The following SVEP1 variants were observed in gnomAD, a reference collection of about 807,000 sequenced individuals.
SVEP1 encodes the protein sushi, von Willebrand factor type A, EGF and pentraxin domain-containing protein 1.
SVEP1 carries 164 observed loss-of-function variants against 367.3 expected under a neutral mutation model. The observed-to-expected ratio is 0.45, with a 90% confidence interval of 0.39 to 0.51. The LOEUF is 0.51. Among genes scored for constraint, SVEP1 ranks in the 20% least tolerant of loss-of-function variants. The pLI is 0.00. For synonymous variants in SVEP1, 1,666 were observed against 1,611.6 expected, an observed-to-expected ratio of 1.03 and a Z score of -0.81; for missense variants, 4,117 against 4,425.3, an observed-to-expected ratio of 0.93 and a Z score of 1.98.
intron 9 of SVEP1, 69 bp from the exon 10 acceptor site, chr9:110,483,762 G>A: frequency 8.2e-7 from 1 of 1,215,438 alleles, no homozygotes. Flanking sequence ...GTTTTCAAAA[G>A]AGAACTGAAG....
At chr9:110,384,832 C>T (rs142968814) in intron 43 of SVEP1, among the ~76,000 whole-genome samples, 1 of 152,260 alleles carries the variant, frequency 6.6e-6, no homozygotes, top group Non-Finnish European at 1.5e-5. Context: ...AGATGAAGAC[C>T]ATTGTAGGCA....
At chr9:110,468,844 A>G in intron 17 of SVEP1, 96 bp downstream of exon 17, 1 of 1,248,466 alleles carries the variant, frequency 8.0e-7, no homozygotes, top group Non-Finnish European at 1.1e-6. Flanking sequence ...CTCAGACAAG[A>G]GCCGAGTGTT....
intron 40 of SVEP1, among the ~76,000 whole-genome samples, chr9:110,395,260 T>C (rs1827739090): frequency 6.6e-6 from 1 of 152,248 alleles, no homozygotes; most frequent in South Asian, 2.1e-4. Context: ...CTATGCTTCA[T>C]AAGTGAAGGA....
At position 110,411,444 on chromosome 9, in the gene SVEP1, A is replaced by G. The variant is rs1192468980; in HGVS notation, c.6267T>C (p.Val2089=). 1.2e-6 allele frequency: 2 copies of G among 1,614,024 alleles called. No individual in the cohort carries two copies. Among genetic ancestry groups the G allele is most frequent in the African/African-American group, 1.3e-5 (1 of 75,060 alleles). ...IAHFCEKPPS[V]SYSILESVSK... ...TCACAGATTCCAAGATGCTATAGGA[A>G]ACCGATGGAGGTTTTTCACAGAAAT... Residue 2089 remains valine (V), a synonymous_variant, in exon 37 of 48, where the codon GTT becomes GTC. Coordinates refer to ENST00000374469, the MANE Select transcript of SVEP1 (RefSeq NM_153366.4).
rs532029828 is a variant in SVEP1 at position 110,536,021 on chromosome 9, G to A, written c.964+10094C>T. On this transcript the variant is annotated intron_variant, in intron 3 of 47. Coordinates refer to ENST00000374469, the MANE Select transcript of SVEP1 (RefSeq NM_153366.4). The stretch of plus-strand genomic sequence containing the variant: ...ACTATGTTTAATAGGAGTGGTGAGA[G>A]AAAGCATCCTTGTCTTAAGCCAGTT... Among the ~76,000 whole-genome samples, 34 of 152,164 alleles carry A rather than the reference G, an allele frequency of 2.2e-4. No individual in the cohort carries two copies. The South Asian group carries it at 6.8e-3, about 31-fold the overall frequency.
chr9:110,429,161 G>A lies in SVEP1; in HGVS notation c.5789C>T (p.Ser1930Leu), dbSNP rs1213719259. 1 of 1,595,074 alleles carries A rather than the reference G, an allele frequency of 6.3e-7. No individual in the cohort carries two copies. Among genetic ancestry groups the A allele is most frequent in the Non-Finnish European group, 8.5e-7 (1 of 1,170,322 alleles). Reference sequence around the variant, plus strand: ...ATGTTACCTGTATCCTGTATCGCATGAATATGATGCAGTAGAAAGGTAGGT... The same window carrying A: ...ATGTTACCTGTATCCTGTATCGCATAAATATGATGCAGTAGAAAGGTAGGT... The part of the protein sequence containing the change: ...GLTYLSTASY[S>L]CDTGYSLQGP... Residue 1930 changes from serine to leucine, a missense_variant, in exon 35 of 48, where the codon TCA (serine) becomes TTA (leucine). Ser to Leu is a moderately radical substitution (Grantham distance 145). Transcript: ENST00000374469.
intron 1 of SVEP1, among the ~76,000 whole-genome samples, chr9:110,570,464 T>TTGCG (rs767474247): frequency 1.1e-5 from 1 of 88,758 alleles, no homozygotes; most frequent in African/African-American, 5.3e-5. Context: ...AAAGTTTCTG[T>TTGCG]TGCGTGTGTG....
At chr9:110,398,409 A>T (rs561910274) in intron 40 of SVEP1, among the ~76,000 whole-genome samples, 1 of 152,210 alleles carries the variant, frequency 6.6e-6, no homozygotes, top group Non-Finnish European at 1.5e-5. Flanking sequence ...AACTTAGGCA[A>T]TACCATTCAG....
chr9:110,579,094 G>T lies in SVEP1; in HGVS notation c.450C>A (p.Cys150Ter). Residue 150 changes from cysteine (C) to a stop codon, truncating the protein, a stop_gained, in exon 1 of 48, where the codon TGC (cysteine) becomes TGA (stop). Coordinates refer to ENST00000374469, the MANE Select transcript of SVEP1 (RefSeq NM_153366.4). LOFTEE classifies it high-confidence loss of function. The surrounding 1 kb of genome is among the most constrained non-coding windows in gnomAD (Gnocchi z 5.3). ...CAGGGATCTCTTGGAGGAGCAGCGC[G>T]CACTTGTGCTGGCGCGCGCGGCGGG... is the stretch of plus-strand genomic sequence containing the variant. ...ISTRRARQHKCALLLQEIPAI... is the reference protein window; with the variant it reads ...ISTRRARQHK 6.4e-7 allele frequency: 1 copy of T among 1,552,604 alleles called. No homozygotes were observed. Among genetic ancestry groups the T allele is most frequent in the Non-Finnish European group, 8.7e-7 (1 of 1,148,240 alleles).
At chr9:110,492,204 G>T (rs746107679) in intron 8 of SVEP1, among the ~76,000 whole-genome samples, 3 of 152,172 alleles carry the variant, frequency 2.0e-5, no homozygotes, top group South Asian at 2.1e-4. Flanking sequence ...GAAAAGTCAT[G>T]GTGTGAAGAA....
intron 3 of SVEP1, among the ~76,000 whole-genome samples, chr9:110,543,118 T>A (rs534389091): frequency 6.6e-6 from 1 of 152,090 alleles, no homozygotes; most frequent in East Asian, 1.9e-4. Flanking sequence ...ATAGGAAGGA[T>A]ATAATTTCTT....
chr9:110,397,334 G>A (rs1371935026), intron 40 of SVEP1, among the ~76,000 whole-genome samples: 1 of 152,206 alleles, frequency 6.6e-6, no homozygotes, highest in Non-Finnish European at 1.5e-5. Flanking sequence ...GGTATTGATG[G>A]GACGTATCTC....
Position 110,401,979 on chromosome 9 carries a change from AT to A in SVEP1, c.9667-971del, listed in dbSNP as rs1172416072. On this transcript the variant is annotated intron_variant, in intron 39 of 47. Coordinates refer to ENST00000374469, the MANE Select transcript of SVEP1 (RefSeq NM_153366.4). ...ATTTTGTATATATGACTGCATCATG[AT>A]TAACCATTTTCCTAGTATATACATT... Among the ~76,000 whole-genome samples the A allele has an allele frequency of 2.0e-5, 3 of 152,190 alleles. No individual in the cohort carries two copies. In the East Asian group the frequency reaches 5.8e-4, roughly 29 times the overall value.
intron 1 of SVEP1, among the ~76,000 whole-genome samples, chr9:110,555,212 A>G (rs1187626377): frequency 6.6e-6 from 1 of 151,548 alleles, no homozygotes; most frequent in Admixed American, 6.6e-5. Flanking sequence ...AGAAAGGAGG[A>G]GAAGTGGGGA....
Position 110,429,346 on chromosome 9 carries a change from A to T in SVEP1, c.5616-12T>A, listed in dbSNP as rs1256493040. 1 of 1,498,644 alleles carries T rather than the reference A, an allele frequency of 6.7e-7. No individual in the cohort carries two copies. The highest frequency in any genetic ancestry group is 1.4e-5 in the South Asian group (1 of 70,860). The allele number at this position is 1,498,644 out of a possible 1,614,324, so 92.8% of individuals were successfully genotyped here. A position where few individuals can be genotyped will look rare whatever the true frequency, so the allele number is the denominator to read the frequency against. On this transcript the variant is annotated splice_polypyrimidine_tract_variant and intron_variant, in intron 34 of 47. Coordinates refer to ENST00000374469, the MANE Select transcript of SVEP1 (RefSeq NM_153366.4). ...ATCCTTTATTACACCTAAAGAAGATAGAGGAAAATTACAGGATATAATTTG... is the reference window on the plus strand; with the variant it reads ...ATCCTTTATTACACCTAAAGAAGATTGAGGAAAATTACAGGATATAATTTG...
At chr9:110,415,727 A>G (rs185389930) in intron 36 of SVEP1, among the ~76,000 whole-genome samples, 1 of 152,152 alleles carries the variant, frequency 6.6e-6, no homozygotes, top group African/African-American at 2.4e-5. Context: ...ATAATACTTG[A>G]CGAATTACAA....
At chr9:110,561,353 C>T (rs900065360) in intron 1 of SVEP1, among the ~76,000 whole-genome samples, 7 of 152,134 alleles carry the variant, frequency 4.6e-5, no homozygotes, top group South Asian at 2.1e-4. Context: ...TTAACCCCAT[C>T]GTAATAAATT....
At chr9:110,449,156 C>T (rs1229643341) in intron 24 of SVEP1, among the ~76,000 whole-genome samples, 1 of 152,096 alleles carries the variant, frequency 6.6e-6, no homozygotes, top group Admixed American at 6.6e-5. Context: ...ATGGGATAGT[C>T]TTGATAATGA....
At chr9:110,386,409 T>TACTAG (rs1441178225) in intron 42 of SVEP1, among the ~76,000 whole-genome samples, 1 of 152,164 alleles carries the variant, frequency 6.6e-6, no homozygotes, top group Non-Finnish European at 1.5e-5. Context: ...ACAAAAGGCA[T>TACTAG]ACTAGAAATC....
Sources: gnomAD v4.1 joint callset for allele counts (sites outside exome capture counted in the v4.1 genomes callset) on GRCh38, gnomAD v4.1.1 for gene constraint, Gnocchi (gnomAD v3.1) non-coding constraint, MANE v1.5 for transcripts, NCBI Gene and HGNC (gene_info 2026-07-23, HGNC 2026-07-21) for gene names.